PALS1: variants seen among roughly 807,000 people sequenced by gnomAD.
PALS1 encodes the protein protein associated with LIN7 1, MAGUK p55 family member.
In PALS1, 31 loss-of-function variants were observed where a neutral mutation model predicts 78.9. The observed-to-expected ratio is 0.39, with a 90% CI of 0.30 to 0.53. The LOEUF is 0.53. PALS1 is among the 20% of genes least tolerant of loss of function. The pLI is 0.67. For synonymous variants in PALS1, 276 were observed against 270.9 expected (o/e 1.02, Z -0.18); for missense variants, 704 against 826.5 (o/e 0.85, Z 1.82).
Position 67,279,461 on chromosome 14 carries a change from C to T in PALS1, c.291C>T (p.Thr97=), listed in dbSNP as rs139355613. The change falls in exon 3 of 15, where the codon ACC becomes ACT. Residue 97 remains threonine, a synonymous_variant. Coordinates refer to ENST00000261681, the MANE Select transcript of PALS1 (RefSeq NM_022474.4). ...AACTAGCCCAAATTCCTCCAAAGACCGGAATAGATAACCCTATGTTTGATA... is the reference window on the plus strand; with the variant it reads ...AACTAGCCCAAATTCCTCCAAAGACTGGAATAGATAACCCTATGTTTGATA... ...LKKLAQIPPK[T]GIDNPMFDTE... is the part of the protein sequence containing the mutation. 8.6e-5 allele frequency: 138 copies of T among 1,611,628 alleles called. 1 individual carries two copies. In the African/African-American group the frequency reaches 1.3e-3, roughly 16 times the overall value.
At chr14:67,268,160 A>AT (rs1158536619) in intron 1 of PALS1, among the ~76,000 whole-genome samples, 1 of 152,178 alleles carries the variant, frequency 6.6e-6, no homozygotes, top group African/African-American at 2.4e-5. Context: ...AGACTCTACC[A>AT]TTTTACATTC....
At chr14:67,289,794 A>T (rs1350378950) in intron 3 of PALS1, among the ~76,000 whole-genome samples, 1 of 98,214 alleles carries the variant, frequency 1.0e-5, no homozygotes, top group African/African-American at 6.7e-5. Flanking sequence ...TTTTTTTGAG[A>T]CGGAGTCTCT....
intron 5 of PALS1, 67 bp from the exon 6 acceptor site, chr14:67,301,905 G>A (rs1466452557): frequency 1.3e-5 from 20 of 1,496,858 alleles, no homozygotes; most frequent in African/African-American, 4.3e-5. Flanking sequence ...ATGTACATAG[G>A]TTAAAAATCA....
At chr14:67,275,222 T>C (rs1314284447) in intron 2 of PALS1, among the ~76,000 whole-genome samples, 3 of 152,296 alleles carry the variant, frequency 2.0e-5, no homozygotes, top group South Asian at 2.1e-4. Context: ...ATGCTTCCAG[T>C]TTTTGCCCAT....
intron 3 of PALS1, among the ~76,000 whole-genome samples, chr14:67,288,166 G>A (rs1037351229): frequency 1.3e-5 from 2 of 152,010 alleles, no homozygotes; most frequent in African/African-American, 2.4e-5. Flanking sequence ...TGCAACTTCC[G>A]CCTCCGAGGT....
At chr14:67,312,287 A>G (rs1306084039) in intron 8 of PALS1, 4 of 275,262 alleles carry the variant, frequency 1.5e-5, no homozygotes. Flanking sequence ...TGCACTGATG[A>G]AAAATTGTGG....
intron 1 of PALS1, among the ~76,000 whole-genome samples, chr14:67,262,991 T>A (rs976632173): frequency 5.9e-5 from 9 of 152,204 alleles, no homozygotes; most frequent in African/African-American, 2.2e-4. Flanking sequence ...TTAGATACAT[T>A]TAATCTTTTA....
chr14:67,268,620 A>G (rs1006627265), intron 1 of PALS1, among the ~76,000 whole-genome samples: 3 of 152,272 alleles, frequency 2.0e-5, no homozygotes, highest in African/African-American at 7.2e-5. Context: ...TTGCCATGGC[A>G]TTTGTAAACT....
intron 14 of PALS1, among the ~76,000 whole-genome samples, chr14:67,326,246 T>G (rs2085356656): frequency 8.2e-6 from 1 of 121,312 alleles, no homozygotes. Flanking sequence ...TTTTTTTTTT[T>G]TTTTTTTTTT....
At chr14:67,310,399 CA>C (rs2085071550) in intron 8 of PALS1, among the ~76,000 whole-genome samples, 1 of 152,000 alleles carries the variant, frequency 6.6e-6, no homozygotes, top group East Asian at 1.9e-4. Flanking sequence ...AATTAATATA[CA>C]GGGGAAAATA....
At chr14:67,274,090 G>T (rs185166455) in intron 2 of PALS1, among the ~76,000 whole-genome samples, 2 of 152,100 alleles carry the variant, frequency 1.3e-5, no homozygotes, top group African/African-American at 2.4e-5. Context: ...CACTCTGATG[G>T]TAGTTTCTTT....
chr14:67,298,293 C>G (rs2084885543), intron 4 of PALS1, among the ~76,000 whole-genome samples: 1 of 151,922 alleles, frequency 6.6e-6, no homozygotes, highest in Non-Finnish European at 1.5e-5. Context: ...GGGGCCGGAC[C>G]ACCTGAGGTC....
chr14:67,247,174 T>C (rs928303255), intron 1 of PALS1, among the ~76,000 whole-genome samples: 1 of 152,246 alleles, frequency 6.6e-6, no homozygotes, highest in African/African-American at 2.4e-5. Context: ...TTCTCATCTA[T>C]GAACATGCTA....
chr14:67,308,175 C>G (rs2085034143), intron 8 of PALS1, among the ~76,000 whole-genome samples: 1 of 151,364 alleles, frequency 6.6e-6, no homozygotes, highest in Non-Finnish European at 1.5e-5. Flanking sequence ...CAACAAACCC[C>G]CAACACACAA....
chr14:67,300,068 T>G (rs1030433613), intron 4 of PALS1, among the ~76,000 whole-genome samples: 1 of 152,116 alleles, frequency 6.6e-6, no homozygotes, highest in Non-Finnish European at 1.5e-5. Flanking sequence ...ATTGTAAGAT[T>G]TTAGTTGAGT....
chr14:67,245,161 TTC>T (rs2083969247), intron 1 of PALS1, among the ~76,000 whole-genome samples: 2 of 152,272 alleles, frequency 1.3e-5, no homozygotes, highest in Admixed American at 6.5e-5. Context: ...GTAAAATAAT[TTC>T]TGTTGTTTTA....
chr14:67,323,125 TTCAG>T (rs1036829923), intron 13 of PALS1, among the ~76,000 whole-genome samples: 28 of 152,078 alleles, frequency 1.8e-4, no homozygotes, highest in African/African-American at 6.0e-4. Flanking sequence ...GTTGTCATCC[TTCAG>T]TATCATTCAC....
intron 3 of PALS1, among the ~76,000 whole-genome samples, chr14:67,284,336 G>A (rs2084644257): frequency 1.3e-5 from 2 of 149,754 alleles, no homozygotes; most frequent in Admixed American, 1.3e-4. Context: ...GGTGGTTCAC[G>A]CCCGTATTAG....
chr14:67,306,527 G>GTA (rs2085007064), intron 8 of PALS1, among the ~76,000 whole-genome samples: 1 of 150,510 alleles, frequency 6.6e-6, no homozygotes, highest in Non-Finnish European at 1.5e-5. Flanking sequence ...GTGTGTGTGT[G>GTA]TGTGTGTGTT....
Sources: gnomAD v4.1 joint callset for allele counts (sites outside exome capture counted in the v4.1 genomes callset) on GRCh38, gnomAD v4.1.1 for gene constraint, MANE v1.5 for transcripts, NCBI Gene and HGNC (gene_info 2026-07-23, HGNC 2026-07-21) for gene names.